The following SHTN1 variants were observed in gnomAD, a reference collection of about 807,000 sequenced individuals.
The protein encoded by SHTN1 is shootin 1.
A neutral mutation model predicts 83.1 loss-of-function variants in SHTN1; 42 were observed. The observed-to-expected ratio is 0.51, with a 90% CI of 0.39 to 0.65. The LOEUF is 0.65. Among genes scored for constraint, SHTN1 ranks in the 30% least tolerant of loss-of-function variants. The pLI, the probability that SHTN1 is intolerant of heterozygous loss-of-function variation, is 0.00. For synonymous variants in SHTN1, 224 were observed against 247.7 expected, an observed-to-expected ratio of 0.90 and a Z score of 0.90; for missense variants, 622 against 737.8, an observed-to-expected ratio of 0.84 and a Z score of 1.82.
At chr10:117,102,989 T>A (rs1186448254) in intron 1 of SHTN1, among the ~76,000 whole-genome samples, 1 of 152,246 alleles carries the variant, frequency 6.6e-6, no homozygotes, top group Non-Finnish European at 1.5e-5. Context: ...TTTACTGTCA[T>A]CTGCCTCCTC....
chr10:117,023,091 A>G (rs1415393117), intron 2 of SHTN1, among the ~76,000 whole-genome samples: 1 of 152,208 alleles, frequency 6.6e-6, no homozygotes, highest in Non-Finnish European at 1.5e-5. Context: ...GCTACCCCAA[A>G]ATATATAATT....
intron 1 of SHTN1, among the ~76,000 whole-genome samples, chr10:116,986,668 G>A (rs1013717486): frequency 2.7e-5 from 4 of 150,484 alleles, no homozygotes; most frequent in African/African-American, 9.7e-5. Flanking sequence ...AATCATTTGA[G>A]CTCAGGAGTT....
At chr10:116,950,947 T>C (rs925632848) in intron 6 of SHTN1, among the ~76,000 whole-genome samples, 5 of 152,166 alleles carry the variant, frequency 3.3e-5, no homozygotes, top group African/African-American at 9.7e-5. Flanking sequence ...GATCAATACG[T>C]TGGCATGCTC....
intron 3 of SHTN1, among the ~76,000 whole-genome samples, chr10:116,966,889 T>A (rs961227955): frequency 6.6e-6 from 1 of 152,178 alleles, no homozygotes; most frequent in African/African-American, 2.4e-5. Context: ...TACCATATAA[T>A]TGGAATTCAT....
chr10:116,940,406 T>C (rs1849325376), intron 9 of SHTN1, 60 bp downstream of exon 9: 1 of 1,496,988 alleles, frequency 6.7e-7, no homozygotes, highest in African/African-American at 1.4e-5. Context: ...TCATCTTAAA[T>C]ATATGTGTGT....
intron 14 of SHTN1, chr10:116,911,354 C>A: frequency 9.5e-7 from 1 of 1,049,262 alleles, no homozygotes; most frequent in Non-Finnish European, 1.3e-6. Context: ...TGAGGAAAGG[C>A]AGACTGTGAC....
chr10:116,890,682 G>T (rs1589776536), intron 16 of SHTN1, among the ~76,000 whole-genome samples: 1 of 152,204 alleles, frequency 6.6e-6, no homozygotes, highest in Non-Finnish European at 1.5e-5. Flanking sequence ...AAACTTGGGT[G>T]ACCTTTTAGA....
intron 14 of SHTN1, 24 bp from the exon 15 acceptor site, chr10:116,906,771 C>A (rs1380651975): frequency 1.3e-6 from 2 of 1,587,832 alleles, no homozygotes; most frequent in Admixed American, 3.6e-5. Flanking sequence ...AAAACAAAAA[C>A]AAAAAGGTTA....
chr10:117,007,160 T>TA (rs945028497), upstream of SHTN1, among the ~76,000 whole-genome samples: 104 of 152,040 alleles, frequency 6.8e-4, 1 homozygote, highest in African/African-American at 2.2e-3. Context: ...GAGATAATAA[T>TA]AAAAAAATCC....
intron 1 of SHTN1, among the ~76,000 whole-genome samples, chr10:117,100,208 G>C (rs1256090020): frequency 6.6e-6 from 1 of 152,068 alleles, no homozygotes; most frequent in Non-Finnish European, 1.5e-5. Flanking sequence ...AAAATAAAGA[G>C]TAAATACATG....
chr10:116,910,550 A>C (rs1269694889), intron 14 of SHTN1, among the ~76,000 whole-genome samples: 1 of 152,214 alleles, frequency 6.6e-6, no homozygotes, highest in African/African-American at 2.4e-5. Flanking sequence ...AAATATTATC[A>C]TATGTACCTC....
chr10:117,048,478 A>G, exon 2 of SHTN1: 1 of 985,378 alleles, frequency 1.0e-6, no homozygotes, highest in Non-Finnish European at 1.2e-6. Flanking sequence ...TCAATCTGGA[A>G]AATGAAGGCA....
At chr10:117,063,485 T>C (rs1852930530) in intron 1 of SHTN1, among the ~76,000 whole-genome samples, 1 of 152,206 alleles carries the variant, frequency 6.6e-6, no homozygotes, top group Non-Finnish European at 1.5e-5. Context: ...TCAATGGGCA[T>C]GCATTGCTCT....
chr10:117,093,216 A>G (rs1211803107), intron 1 of SHTN1, among the ~76,000 whole-genome samples: 1 of 152,186 alleles, frequency 6.6e-6, no homozygotes, highest in Admixed American at 6.5e-5. Flanking sequence ...CCAGATACAT[A>G]CAATTAGAAA....
intron 9 of SHTN1, among the ~76,000 whole-genome samples, chr10:116,935,913 C>A (rs1424715969): frequency 1.3e-5 from 2 of 151,994 alleles, no homozygotes; most frequent in Non-Finnish European, 2.9e-5. Context: ...ATGTGTCCAG[C>A]AATTTATCCA....
intron 1 of SHTN1, among the ~76,000 whole-genome samples, chr10:116,994,527 G>GAA (rs1851560464): frequency 3.3e-5 from 5 of 152,064 alleles, no homozygotes; most frequent in Non-Finnish European, 7.4e-5. Context: ...AGGGGAAAGA[G>GAA]GGAAGGGGAA....
chr10:116,907,224 G>A (rs1312934103), intron 14 of SHTN1, among the ~76,000 whole-genome samples: 1 of 152,150 alleles, frequency 6.6e-6, no homozygotes, highest in Non-Finnish European at 1.5e-5. Flanking sequence ...CCTGATGTCC[G>A]TGGCGTCGTA....
intron 1 of SHTN1, among the ~76,000 whole-genome samples, chr10:116,980,114 A>C (rs1850963325): frequency 6.6e-6 from 1 of 152,158 alleles, no homozygotes; most frequent in South Asian, 2.1e-4. Flanking sequence ...TCTTTAATCA[A>C]AGCACCATTT....
intron 2 of SHTN1, among the ~76,000 whole-genome samples, chr10:117,044,361 A>G (rs527638528): frequency 7.2e-5 from 11 of 152,252 alleles, no homozygotes; most frequent in African/African-American, 2.4e-4. Flanking sequence ...ATAGTGTTCA[A>G]CTATATGTAT....
Sources: gnomAD v4.1 joint callset for allele counts (sites outside exome capture counted in the v4.1 genomes callset) on GRCh38, gnomAD v4.1.1 for gene constraint, MANE v1.5 for transcripts, NCBI Gene and HGNC (gene_info 2026-07-23, HGNC 2026-07-21) for gene names.